PBX3: variants seen among roughly 807,000 people sequenced by gnomAD.
The protein encoded by PBX3 is pre-B-cell leukemia transcription factor 3.
A neutral mutation model predicts 48.5 loss-of-function variants in PBX3; 14 were observed. That is an observed-to-expected ratio of 0.29 (90% CI 0.19 to 0.45). The LOEUF is 0.45. Among genes scored for constraint, PBX3 ranks in the 20% least tolerant of loss-of-function variants. The probability of loss-of-function intolerance (pLI) is 1.00; values close to 1 mark genes in which losing one functional copy is unlikely to be tolerated. For missense variants in PBX3, 386 were observed against 546.7 expected (o/e 0.71, Z 2.93); for synonymous variants, 210 against 200.3 (o/e 1.05, Z -0.41).
At chr9:125,748,370 C>T (rs780051806) in intron 1 of PBX3, 180 bp from the exon 2 acceptor site, 28 of 1,326,120 alleles carry the variant, frequency 2.1e-5, no homozygotes, top group Non-Finnish European at 2.7e-5. Flanking sequence ...CAGCTTTCGC[C>T]GCCGGGGCTT....
intron 8 of PBX3, among the ~76,000 whole-genome samples, 173 bp from the exon 9 acceptor site, chr9:125,965,658 T>C (rs1024581231): frequency 1.2e-4 from 18 of 152,234 alleles, no homozygotes; most frequent in African/African-American, 4.3e-4. Context: ...TGGATTTGTT[T>C]TACATGCATT....
intron 5 of PBX3, among the ~76,000 whole-genome samples, chr9:125,953,369 C>T (rs895180514): frequency 1.3e-5 from 2 of 151,832 alleles, no homozygotes; most frequent in African/African-American, 4.8e-5. Flanking sequence ...CGCAGCTACT[C>T]AGGAGGCTGA....
At chr9:125,879,411 AT>A (rs1337801738) in intron 2 of PBX3, among the ~76,000 whole-genome samples, 1 of 152,212 alleles carries the variant, frequency 6.6e-6, no homozygotes, top group African/African-American at 2.4e-5. Context: ...TAGAAGGTAT[AT>A]GAACACATAA....
intron 2 of PBX3, among the ~76,000 whole-genome samples, chr9:125,838,093 A>G (rs747179022): frequency 1.5e-4 from 23 of 152,130 alleles, no homozygotes; most frequent in African/African-American, 2.4e-4. Context: ...GTTTTGTTCT[A>G]TCATCCAGAC....
At chr9:125,794,055 G>A (rs1357178071) in intron 2 of PBX3, among the ~76,000 whole-genome samples, 1 of 152,102 alleles carries the variant, frequency 6.6e-6, no homozygotes, top group Non-Finnish European at 1.5e-5. Context: ...CAAATATGAT[G>A]TTTTCTTACA....
At chr9:125,878,978 T>A (rs1840318013) in intron 2 of PBX3, among the ~76,000 whole-genome samples, 1 of 151,976 alleles carries the variant, frequency 6.6e-6, no homozygotes, top group Admixed American at 6.6e-5. Flanking sequence ...ATGGAAGGAG[T>A]TAAATGAAAT....
chr9:125,922,735 T>TA (rs1306683741), intron 3 of PBX3, among the ~76,000 whole-genome samples: 4 of 152,202 alleles, frequency 2.6e-5, no homozygotes, highest in African/African-American at 9.6e-5. Flanking sequence ...TTTATATGTT[T>TA]AAAAAATGTA....
intron 2 of PBX3, among the ~76,000 whole-genome samples, chr9:125,837,677 T>TC (rs1438612051): frequency 2.0e-5 from 3 of 151,990 alleles, no homozygotes; most frequent in Non-Finnish European, 2.9e-5. Flanking sequence ...CTTTTTTTTT[T>TC]CTCCCTGGGT....
intron 2 of PBX3, among the ~76,000 whole-genome samples, chr9:125,841,351 C>T (rs984833377): frequency 6.6e-6 from 1 of 152,170 alleles, no homozygotes; most frequent in African/African-American, 2.4e-5. Context: ...TTAGCTAATG[C>T]TTGGTTCTGT....
chr9:125,833,723 A>G (rs561671778), intron 2 of PBX3, among the ~76,000 whole-genome samples: 4 of 152,320 alleles, frequency 2.6e-5, no homozygotes, highest in African/African-American at 9.6e-5. Context: ...ATTTCGTTCA[A>G]AGGAGGCTTG....
intron 2 of PBX3, among the ~76,000 whole-genome samples, chr9:125,909,738 T>C (rs555283060): frequency 5.9e-5 from 9 of 152,238 alleles, no homozygotes; most frequent in African/African-American, 2.2e-4. Flanking sequence ...TTAAATGGTT[T>C]TCCTCTTCTC....
chr9:125,819,418 C>T (rs996864958), intron 2 of PBX3, among the ~76,000 whole-genome samples: 2 of 151,522 alleles, frequency 1.3e-5, no homozygotes, highest in African/African-American at 2.4e-5. Context: ...CCCAGCTACT[C>T]GGAAGGTTGA....
At chr9:125,882,551 C>G (rs971005436) in intron 2 of PBX3, among the ~76,000 whole-genome samples, 1 of 152,180 alleles carries the variant, frequency 6.6e-6, no homozygotes, top group African/African-American at 2.4e-5. Context: ...GAAACACGCT[C>G]TCTTATCACT....
chr9:125,885,748 A>G (rs1336834419), intron 2 of PBX3, among the ~76,000 whole-genome samples: 1 of 152,114 alleles, frequency 6.6e-6, no homozygotes, highest in Non-Finnish European at 1.5e-5. Flanking sequence ...CTGCCTTTAG[A>G]CAGAGTGAAA....
chr9:125,844,076 A>C lies in PBX3; in HGVS notation c.275-71610A>C, dbSNP rs368509568. 3.7e-4 allele frequency among the ~76,000 whole-genome samples: 56 copies of C among 152,274 alleles called. No individual in the cohort carries two copies. In the East Asian group the frequency reaches 9.1e-3, roughly 25 times the overall value. On this transcript the variant is annotated intron_variant, in intron 2 of 8. Transcript: ENST00000373489. ...AAAAATTATAAAATGAAAGTGACAT[A>C]AATTCTAGAAAATGCAATTTCTACA...
At chr9:125,859,400 G>T (rs969916829) in intron 2 of PBX3, among the ~76,000 whole-genome samples, 1 of 152,184 alleles carries the variant, frequency 6.6e-6, no homozygotes, top group African/African-American at 2.4e-5. Flanking sequence ...CATTGCTACT[G>T]CAAGGCCTCC....
chr9:125,835,736 CAG>C (rs1491538290), intron 2 of PBX3, among the ~76,000 whole-genome samples: 16 of 152,128 alleles, frequency 1.1e-4, no homozygotes, highest in East Asian at 5.8e-4. Context: ...GATGTAGAGA[CAG>C]GGGAACGTTC....
At chr9:125,866,756 T>G (rs1564146620) in intron 2 of PBX3, among the ~76,000 whole-genome samples, 1 of 152,204 alleles carries the variant, frequency 6.6e-6, no homozygotes, top group Non-Finnish European at 1.5e-5. Flanking sequence ...AGCATAATAT[T>G]TCTGCTTAAA....
At chr9:125,793,817 C>T (rs1442115078) in intron 2 of PBX3, among the ~76,000 whole-genome samples, 2 of 151,960 alleles carry the variant, frequency 1.3e-5, no homozygotes, top group African/African-American at 4.8e-5. Context: ...TCTTTGTACC[C>T]TTTGGGTAAA....
Sources: gnomAD v4.1 joint callset for allele counts (sites outside exome capture counted in the v4.1 genomes callset) on GRCh38, gnomAD v4.1.1 for gene constraint, MANE v1.5 for transcripts, NCBI Gene and HGNC (gene_info 2026-07-23, HGNC 2026-07-21) for gene names.